CDCA5: variants seen among roughly 807,000 people sequenced by gnomAD.
CDCA5 encodes sororin.
CDCA5 carries 14 observed loss-of-function variants against 25.7 expected under a neutral mutation model. That is an observed-to-expected ratio of 0.54 (90% CI 0.36 to 0.85). The LOEUF (loss-of-function observed/expected upper bound fraction) is 0.85. Ranked by LOEUF, CDCA5 falls within the 40% of genes least tolerant of loss-of-function variation. CDCA5 has a pLI of 0.01. For synonymous variants in CDCA5, 127 were observed against 128.7 expected (o/e 0.99, Z 0.09); for missense variants, 307 against 324.5 (o/e 0.95, Z 0.41).
At chr11:65,064,160 T>A (rs1302158302), downstream of CDCA5, among the ~76,000 whole-genome samples, 1 of 152,154 alleles carries the variant, frequency 6.6e-6, no homozygotes, top group African/African-American at 2.4e-5. Flanking sequence ...GGCTCACACC[T>A]GTAATCCCAG....
chr11:65,073,137 G>T (rs1359088685), downstream of CDCA5, among the ~76,000 whole-genome samples: 6 of 151,710 alleles, frequency 4.0e-5, no homozygotes, highest in Non-Finnish European at 8.8e-5. Flanking sequence ...TAGAGACGAG[G>T]TTTCACCATC....
downstream of CDCA5, chr11:65,066,211 T>G: frequency 2.4e-6 from 1 of 421,528 alleles, no homozygotes; most frequent in Non-Finnish European, 3.6e-6. Context: ...TGTCAGAGGG[T>G]GGCTGAGGGG....
intron 4 of CDCA5, 136 bp from the exon 5 acceptor site, chr11:65,079,923 C>T (rs537035247): frequency 3.2e-4 from 194 of 602,216 alleles, no homozygotes; most frequent in Admixed American, 5.8e-4. Flanking sequence ...CGGAGTCTTG[C>T]TCTCTCGCCC....
chr11:65,073,347 T>C (rs1947377672), downstream of CDCA5, among the ~76,000 whole-genome samples: 1 of 152,216 alleles, frequency 6.6e-6, no homozygotes, highest in Non-Finnish European at 1.5e-5. Flanking sequence ...ATCATTTGCC[T>C]GGGATCACAC....
At position 65,079,578 on chromosome 11, in the gene CDCA5, G is replaced by T. The variant is rs1565285326; in HGVS notation, c.453C>A (p.Thr151=). The change falls in exon 5 of 6, where the codon ACC becomes ACA. Residue 151 remains threonine, a synonymous_variant. Coordinates refer to ENST00000275517, the MANE Select transcript of CDCA5 (RefSeq NM_080668.4). ...GGGTGGAGGTAGAGGCAGAGCCCAG[G>T]GTCTCCAGCCGGCTGTAGGAACGCC... The part of the protein sequence containing the change: ...KVRRSYSRLE[T]LGSASTSTPG... 2 of 1,613,712 alleles carry T rather than the reference G, an allele frequency of 1.2e-6. No individual in the cohort carries two copies. The highest frequency in any genetic ancestry group is 8.5e-7 in the Non-Finnish European group (1 of 1,179,778).
chr11:65,076,194 T>A (rs1003537847), downstream of CDCA5, among the ~76,000 whole-genome samples: 9 of 152,344 alleles, frequency 5.9e-5, no homozygotes, highest in African/African-American at 2.2e-4. Flanking sequence ...TGGCTCACTG[T>A]AGCCCCGACC....
intron 1 of CDCA5, among the ~76,000 whole-genome samples, chr11:65,069,707 G>A (rs959360253): frequency 4.6e-5 from 7 of 152,212 alleles, no homozygotes; most frequent in Admixed American, 2.6e-4. Context: ...CACAGTAGCT[G>A]ATTTACACCA....
At chr11:65,064,396 C>T (rs1304206230), downstream of CDCA5, among the ~76,000 whole-genome samples, 3 of 130,402 alleles carry the variant, frequency 2.3e-5, no homozygotes, top group African/African-American at 5.8e-5. Context: ...GTAGCGTGGG[C>T]GACAGAACAA....
chr11:65,063,025 G>A (rs1046330735), downstream of CDCA5, among the ~76,000 whole-genome samples: 3 of 152,252 alleles, frequency 2.0e-5, no homozygotes, highest in Non-Finnish European at 4.4e-5. Context: ...GCTGACCTAC[G>A]CCAGCACAGC....
chr11:65,079,099 A>G lies in CDCA5; in HGVS notation c.*8T>C, dbSNP rs766138716. 1.3e-6 allele frequency: 2 copies of G among 1,515,712 alleles called. No individual in the cohort carries two copies. Among genetic ancestry groups the G allele is most frequent in the Non-Finnish European group, 1.8e-6 (2 of 1,134,902 alleles). 93.9% of individuals were successfully genotyped at this position (1,515,712 alleles called of 1,614,324 possible). ...GAGAGTCTGGCCAGGTGCACCCCCC[A>G]CTGCATCTCATTCAACCAGGAGATC... On this transcript the variant is annotated 3_prime_UTR_variant, in exon 6 of 6. Coordinates refer to ENST00000275517, the MANE Select transcript of CDCA5 (RefSeq NM_080668.4).
chr11:65,082,683 A>G (rs1947596762), intron 4 of CDCA5, among the ~76,000 whole-genome samples: 1 of 151,826 alleles, frequency 6.6e-6, no homozygotes, highest in Admixed American at 6.6e-5. Flanking sequence ...GCTGGTCTTA[A>G]ACTCTTGACC....
At position 65,079,197 on chromosome 11, in the gene CDCA5, GA is replaced by G. The variant is rs1947505280; in HGVS notation, c.679-11del. 1 of 1,526,956 alleles carries G rather than the reference GA, an allele frequency of 6.5e-7. No homozygotes were observed. Among genetic ancestry groups the G allele is most frequent in the Non-Finnish European group, 8.8e-7 (1 of 1,138,086 alleles). 94.6% of individuals were successfully genotyped at this position (1,526,956 alleles called of 1,614,324 possible). A position where few individuals can be genotyped will look rare whatever the true frequency, so the allele number is the denominator to read the frequency against. On this transcript the variant is annotated splice_polypyrimidine_tract_variant and intron_variant, in intron 5 of 5. Transcript: ENST00000275517. Reference sequence around the variant, plus strand: ...CATCCAGCTCCGTTTTCTGAGGGAAGAGAAATGAGGAGCAGGTGAGTGAGAA... The same window carrying G: ...CATCCAGCTCCGTTTTCTGAGGGAAGGAAATGAGGAGCAGGTGAGTGAGAA...
intron 1 of CDCA5, among the ~76,000 whole-genome samples, chr11:65,070,463 AT>A (rs2137076907): frequency 6.6e-6 from 1 of 152,330 alleles, no homozygotes; most frequent in South Asian, 2.1e-4. Context: ...GGGATCTCAG[AT>A]AAACGATGAA....
At chr11:65,080,556 G>C (rs1269722254) in intron 4 of CDCA5, among the ~76,000 whole-genome samples, 2 of 152,158 alleles carry the variant, frequency 1.3e-5, no homozygotes, top group Non-Finnish European at 2.9e-5. Context: ...GGGACTACAG[G>C]CATGTGACAC....
intron 1 of CDCA5, 38 bp downstream of exon 1, chr11:65,083,895 C>G: frequency 6.2e-7 from 1 of 1,608,790 alleles, no homozygotes; most frequent in Non-Finnish European, 8.5e-7. Context: ...GTCCCCCAAA[C>G]GGCTCGACCT....
In CDCA5 at chr11:65,083,407, G is replaced by C. The variant is rs377039375; in HGVS notation, c.208-8C>G. ...TGATTGGACAGCTGGGACCTGCGGG[G>C]GACAATACCAATTGATCACATAGCT... On this transcript the variant is annotated splice_polypyrimidine_tract_variant and splice_region_variant and intron_variant, in intron 3 of 5. Coordinates refer to ENST00000275517, the MANE Select transcript of CDCA5 (RefSeq NM_080668.4). 41 of 1,614,034 alleles carry C rather than the reference G, an allele frequency of 2.5e-5. No individual in the cohort carries two copies. Among genetic ancestry groups the C allele is most frequent in the Non-Finnish European group, 3.3e-5 (39 of 1,180,026 alleles).
At chr11:65,068,016 T>A in intron 3 of CDCA5, 1 of 1,277,326 alleles carries the variant, frequency 7.8e-7, no homozygotes, top group Non-Finnish European at 1.0e-6. Context: ...CTCTCTCTCA[T>A]GCAGCCTTAC....
intron 2 of CDCA5, chr11:65,068,395 G>A (rs1011039209): frequency 5.3e-6 from 4 of 761,228 alleles, no homozygotes; most frequent in Non-Finnish European, 7.6e-6. Context: ...TGACGACGGG[G>A]GTTCAGGCCT....
downstream of CDCA5, among the ~76,000 whole-genome samples, chr11:65,065,136 T>C (rs1261216783): frequency 6.6e-6 from 1 of 152,180 alleles, no homozygotes; most frequent in African/African-American, 2.4e-5. Context: ...ACGAAGGAAT[T>C]CTGCATGGTG....
Sources: allele counts gnomAD v4.1 joint callset (sites outside exome capture counted in the v4.1 genomes callset), GRCh38; gene constraint gnomAD v4.1.1; transcripts MANE v1.5; gene names NCBI Gene and HGNC (gene_info 2026-07-23, HGNC 2026-07-21).